Variants in EPHA6 observed in about 807,000 individuals in gnomAD.
The protein encoded by EPHA6 is EPH receptor A6.
In EPHA6, 50 loss-of-function variants were observed where a neutral mutation model predicts 112.0. The ratio of observed to expected loss-of-function variants is 0.45; its 90% CI spans 0.36 to 0.56. The LOEUF is 0.56. Ranked by LOEUF, EPHA6 falls within the 20% of genes least tolerant of loss-of-function variation. EPHA6 has a pLI of 0.00. For missense variants in EPHA6, 1,280 were observed against 1,417.4 expected, an observed-to-expected ratio of 0.90 and a Z score of 1.56; for synonymous variants, 529 against 490.7, an observed-to-expected ratio of 1.08 and a Z score of -1.03.
At chr3:97,601,318 T>C (rs1405971139) in intron 12 of EPHA6, among the ~76,000 whole-genome samples, 1 of 152,144 alleles carries the variant, frequency 6.6e-6, no homozygotes, top group Non-Finnish European at 1.5e-5. Context: ...TGCTGATTAG[T>C]ATTTTTTTGT....
intron 5 of EPHA6, among the ~76,000 whole-genome samples, chr3:97,342,875 A>G (rs2083379483): frequency 6.6e-6 from 1 of 152,198 alleles, no homozygotes; most frequent in Non-Finnish European, 1.5e-5. Flanking sequence ...TTTATTGTTT[A>G]AGCCACCCAG....
intron 2 of EPHA6, among the ~76,000 whole-genome samples, chr3:96,949,501 T>G (rs2041434761): frequency 1.3e-5 from 2 of 152,056 alleles, no homozygotes; most frequent in South Asian, 4.1e-4. Context: ...TAAAGTGAGA[T>G]TTTTATAAAA....
chr3:97,178,472 G>A (rs2076896853), intron 3 of EPHA6, among the ~76,000 whole-genome samples: 1 of 151,980 alleles, frequency 6.6e-6, no homozygotes, highest in South Asian at 2.1e-4. Flanking sequence ...ACTATTCATT[G>A]CTCATTGATG....
At chr3:97,191,741 C>A (rs2077312737) in intron 3 of EPHA6, among the ~76,000 whole-genome samples, 1 of 152,100 alleles carries the variant, frequency 6.6e-6, no homozygotes, top group African/African-American at 2.4e-5. Context: ...CAGATGAACA[C>A]TTAGGTGGCT....
chr3:96,989,693 C>T (rs979663724), intron 3 of EPHA6, among the ~76,000 whole-genome samples: 17 of 152,046 alleles, frequency 1.1e-4, no homozygotes, highest in Non-Finnish European at 1.9e-4. Context: ...GAAGGGGAAG[C>T]ATGTATGCCT....
chr3:97,084,373 A>AT (rs2046828246), intron 3 of EPHA6, among the ~76,000 whole-genome samples: 1 of 151,550 alleles, frequency 6.6e-6, no homozygotes, highest in South Asian at 2.1e-4. Flanking sequence ...ACAAATACCC[A>AT]TACCTCTACT....
chr3:97,664,330 T>C (rs1576236613), intron 14 of EPHA6, among the ~76,000 whole-genome samples: 1 of 152,200 alleles, frequency 6.6e-6, no homozygotes, highest in African/African-American at 2.4e-5. Context: ...GCAGAAGCTC[T>C]TTAGTTTAAT....
At position 96,987,385 on chromosome 3, in the gene EPHA6, T is replaced by C. The variant is rs2043061572; in HGVS notation, c.506T>C (p.Val169Ala). The change falls in exon 3 of 18, where the codon GTA (valine) becomes GCA (alanine). Residue 169 changes from valine (V) to alanine (A), a missense_variant. Val to Ala is a moderately conservative substitution (Grantham distance 64). This residue lies in a region of EPHA6 where 878 missense variants were observed against 999.7 expected (regional missense o/e 0.88). Coordinates refer to ENST00000389672, the MANE Select transcript of EPHA6 (RefSeq NM_001080448.3). ...EHNRPIHTYQ[V>A]CNVMEPNQNN... ...AATAGGCCCATTCACACATACCAGG[T>C]ATGTAATGTAATGGAACCAAACCAA... The C allele has an allele frequency of 1.2e-6, 2 of 1,613,702 alleles. No homozygotes were observed. Among genetic ancestry groups the C allele is most frequent in the Non-Finnish European group, 1.7e-6 (2 of 1,179,796 alleles).
rs112603452 is a variant in EPHA6 at position 97,321,720 on chromosome 3, A to G, written c.1606+77433A>G. On this transcript the variant is annotated intron_variant, in intron 5 of 17. Coordinates refer to ENST00000389672, the MANE Select transcript of EPHA6 (RefSeq NM_001080448.3). Reference sequence around the variant, plus strand: ...ACCAGGGACTTCTATTGAATTGTGAATAATTTAAGTGTAAATAGACTGACT... The same window carrying G: ...ACCAGGGACTTCTATTGAATTGTGAGTAATTTAAGTGTAAATAGACTGACT... 3.4e-3 allele frequency among the ~76,000 whole-genome samples: 520 copies of G among 152,138 alleles called. 6 individuals carry two copies. The highest frequency in any genetic ancestry group is 0.012 in the African/African-American group (500 of 41,476).
chr3:96,829,829 C>G (rs2033904607), intron 1 of EPHA6, among the ~76,000 whole-genome samples: 1 of 151,916 alleles, frequency 6.6e-6, no homozygotes, highest in African/African-American at 2.4e-5. Flanking sequence ...CTGAATTTTG[C>G]TTAAAATTTC....
At chr3:97,516,769 T>G (rs1171121202) in intron 10 of EPHA6, among the ~76,000 whole-genome samples, 1 of 152,052 alleles carries the variant, frequency 6.6e-6, no homozygotes, top group South Asian at 2.1e-4. Flanking sequence ...TTAAATTAAA[T>G]AAAAAAGATG....
intron 5 of EPHA6, among the ~76,000 whole-genome samples, chr3:97,335,201 T>G (rs530797016): frequency 6.6e-6 from 1 of 152,252 alleles, no homozygotes; most frequent in South Asian, 2.1e-4. Context: ...TTAGTGCCCT[T>G]ATAAGAAGAG....
intron 2 of EPHA6, among the ~76,000 whole-genome samples, chr3:96,976,660 T>G (rs1046388668): frequency 1.3e-5 from 2 of 152,152 alleles, no homozygotes; most frequent in African/African-American, 2.4e-5. Flanking sequence ...AAGGGAAGCC[T>G]CTACTCCATG....
chr3:96,962,325 C>G (rs982306962), intron 2 of EPHA6, among the ~76,000 whole-genome samples: 1 of 151,746 alleles, frequency 6.6e-6, no homozygotes, highest in Non-Finnish European at 1.5e-5. Context: ...CTGATATTCT[C>G]TAAAGCAGAA....
intron 5 of EPHA6, among the ~76,000 whole-genome samples, chr3:97,251,363 T>C (rs2079135162): frequency 1.3e-5 from 2 of 151,818 alleles, no homozygotes. Context: ...ACCCCGTCTC[T>C]ACTAAAAATA....
At chr3:96,832,149 A>G (rs2034124722) in intron 1 of EPHA6, among the ~76,000 whole-genome samples, 1 of 152,116 alleles carries the variant, frequency 6.6e-6, no homozygotes, top group African/African-American at 2.4e-5. Context: ...AACTCAGCGT[A>G]TATCTAATCA....
chr3:97,044,715 A>T (rs969217595), intron 3 of EPHA6, among the ~76,000 whole-genome samples: 10 of 132,724 alleles, frequency 7.5e-5, no homozygotes, highest in African/African-American at 3.8e-4. Flanking sequence ...ATGTTCTAGG[A>T]AAAAAAAAAA....
At chr3:97,707,553 G>A (rs2033744352) in intron 14 of EPHA6, among the ~76,000 whole-genome samples, 1 of 152,124 alleles carries the variant, frequency 6.6e-6, no homozygotes, top group South Asian at 2.1e-4. Flanking sequence ...TTGGAATAAT[G>A]GAATGAAGAA....
chr3:96,865,310 C>T (rs2036240935), intron 1 of EPHA6, among the ~76,000 whole-genome samples: 2 of 152,044 alleles, frequency 1.3e-5, no homozygotes, highest in South Asian at 4.1e-4. Context: ...CTAAGTAAAA[C>T]CTCAGAATCT....
Sources: allele counts gnomAD v4.1 joint callset (sites outside exome capture counted in the v4.1 genomes callset), GRCh38; gene constraint gnomAD v4.1.1; regional missense constraint gnomAD v4.1.1; transcripts MANE v1.5; gene names NCBI Gene and HGNC (gene_info 2026-07-23, HGNC 2026-07-21).